The following SLC4A10 variants were observed in gnomAD, a reference collection of about 807,000 sequenced individuals.
SLC4A10 encodes solute carrier family 4 member 10, also known as sodium-driven chloride bicarbonate exchanger.
A neutral mutation model predicts 137.7 loss-of-function variants in SLC4A10; 42 were observed. The ratio of observed to expected loss-of-function variants is 0.30; its 90% CI spans 0.24 to 0.39. SLC4A10 has a LOEUF of 0.39. SLC4A10 is among the 10% of genes least tolerant of loss of function. The pLI is 1.00. For synonymous variants in SLC4A10, 474 were observed against 464.1 expected, an observed-to-expected ratio of 1.02 and a Z score of -0.27; for missense variants, 925 against 1,355.0, an observed-to-expected ratio of 0.68 and a Z score of 4.98.
chr2:161,762,309 G>A (rs2050334411), intron 1 of SLC4A10, among the ~76,000 whole-genome samples: 1 of 151,888 alleles, frequency 6.6e-6, no homozygotes, highest in African/African-American at 2.4e-5. Context: ...AAATTTTATG[G>A]CACTATAATA....
intron 1 of SLC4A10, among the ~76,000 whole-genome samples, chr2:161,629,136 C>T (rs779518279): frequency 3.4e-4 from 51 of 151,952 alleles, no homozygotes; most frequent in Non-Finnish European, 4.0e-4. Context: ...TTCAACTCTT[C>T]CTTTCCCATA....
chr2:161,906,287 G>A (rs75843778), intron 15 of SLC4A10, among the ~76,000 whole-genome samples: 2,194 of 152,268 alleles, frequency 0.014, 18 homozygotes, highest in Non-Finnish European at 0.024. Flanking sequence ...CAAATTTAGA[G>A]CAATAAGGTA....
chr2:161,780,106 A>G (rs2052838345), intron 2 of SLC4A10, among the ~76,000 whole-genome samples: 1 of 152,038 alleles, frequency 6.6e-6, no homozygotes, highest in Admixed American at 6.6e-5. Flanking sequence ...CCATCATGTC[A>G]GAACAAGAAA....
At chr2:161,674,122 A>G (rs1333957008) in intron 1 of SLC4A10, among the ~76,000 whole-genome samples, 1 of 152,242 alleles carries the variant, frequency 6.6e-6, no homozygotes, top group African/African-American at 2.4e-5. Flanking sequence ...AGAATCATTA[A>G]TTGGATACGT....
At chr2:161,724,281 C>T (rs1287441495) in intron 1 of SLC4A10, among the ~76,000 whole-genome samples, 1 of 152,156 alleles carries the variant, frequency 6.6e-6, no homozygotes, top group Non-Finnish European at 1.5e-5. Context: ...TACTTAAACT[C>T]ATTGAAAGGC....
chr2:161,947,820 G>T (rs1694094944), intron 17 of SLC4A10, 93 bp downstream of exon 17: 2 of 1,349,182 alleles, frequency 1.5e-6, no homozygotes, highest in East Asian at 2.4e-5. Flanking sequence ...AAAGGCTTTT[G>T]TGTGAGTGAG....
intron 15 of SLC4A10, among the ~76,000 whole-genome samples, chr2:161,922,516 C>T (rs1218898654): frequency 6.6e-6 from 1 of 151,956 alleles, no homozygotes; most frequent in East Asian, 1.9e-4. Context: ...TATGTTGTAT[C>T]CCTTACAAAT....
At chr2:161,953,706 G>A (rs929302970) in intron 19 of SLC4A10, among the ~76,000 whole-genome samples, 2 of 152,184 alleles carry the variant, frequency 1.3e-5, no homozygotes, top group South Asian at 2.1e-4. Context: ...GAAGAATGGG[G>A]GAGCTCAAAA....
chr2:161,878,378 A>G (rs941227453), intron 8 of SLC4A10, among the ~76,000 whole-genome samples: 4 of 152,096 alleles, frequency 2.6e-5, no homozygotes, highest in Non-Finnish European at 5.9e-5. Flanking sequence ...ATTGATATTT[A>G]TTGTTAAGGA....
intron 1 of SLC4A10, among the ~76,000 whole-genome samples, chr2:161,698,590 T>C (rs2042790877): frequency 6.6e-6 from 1 of 152,212 alleles, no homozygotes; most frequent in African/African-American, 2.4e-5. Context: ...GTTGGTTCTG[T>C]TTATATGCTG....
At chr2:161,752,769 C>T (rs1314382539) in intron 1 of SLC4A10, among the ~76,000 whole-genome samples, 1 of 152,034 alleles carries the variant, frequency 6.6e-6, no homozygotes, top group East Asian at 1.9e-4. Flanking sequence ...AAAAGTTGAA[C>T]TCATTTAAGC....
intron 6 of SLC4A10, among the ~76,000 whole-genome samples, chr2:161,871,111 T>G (rs972768424): frequency 6.6e-6 from 1 of 151,874 alleles, no homozygotes; most frequent in Non-Finnish European, 1.5e-5. Flanking sequence ...TAACAAAGAA[T>G]AAGTGGGTTT....
chr2:161,971,233 A>C (rs950028603), intron 23 of SLC4A10, among the ~76,000 whole-genome samples: 1 of 152,178 alleles, frequency 6.6e-6, no homozygotes, highest in African/African-American at 2.4e-5. Context: ...AGTGTTCTGG[A>C]GTAGATTTGT....
At chr2:161,801,500 A>G (rs2055361423) in intron 2 of SLC4A10, among the ~76,000 whole-genome samples, 1 of 152,106 alleles carries the variant, frequency 6.6e-6, no homozygotes, top group African/African-American at 2.4e-5. Flanking sequence ...GGTAGTACTA[A>G]TTTTGACAGG....
intron 8 of SLC4A10, among the ~76,000 whole-genome samples, chr2:161,877,750 T>G (rs2061523820): frequency 6.6e-6 from 1 of 151,998 alleles, no homozygotes; most frequent in African/African-American, 2.4e-5. Flanking sequence ...GCTTAAAAAT[T>G]TTGGATGTAT....
chr2:161,802,443 AG>A (rs1438107308), intron 2 of SLC4A10, among the ~76,000 whole-genome samples: 1 of 152,122 alleles, frequency 6.6e-6, no homozygotes, highest in East Asian at 1.9e-4. Flanking sequence ...CCACTAAAGT[AG>A]GCAAATTTAT....
At position 161,634,090 on chromosome 2, in the gene SLC4A10, A is replaced by G. The variant is rs114442597; in HGVS notation, c.48+9524A>G. ...TAATGTCCATTTTCTGTTCTAGGAT[A>G]CAATTCAGAGTACCATATTGTGTTT... On this transcript the variant is annotated intron_variant, in intron 1 of 26. Transcript: ENST00000446997. Among the ~76,000 whole-genome samples, 1,003 of 151,966 alleles carry G rather than the reference A, an allele frequency of 6.6e-3. 11 individuals are homozygous for G. The highest frequency in any genetic ancestry group is 0.023 in the African/African-American group (942 of 41,538).
At chr2:161,906,730 T>G (rs1235309885) in intron 15 of SLC4A10, among the ~76,000 whole-genome samples, 1 of 152,226 alleles carries the variant, frequency 6.6e-6, no homozygotes, top group Non-Finnish European at 1.5e-5. Flanking sequence ...TTTTTAATCT[T>G]TATTTACTAT....
chr2:161,796,215 A>G (rs551154977), intron 2 of SLC4A10, among the ~76,000 whole-genome samples: 2 of 152,272 alleles, frequency 1.3e-5, no homozygotes, highest in Admixed American at 1.3e-4. Context: ...GCTGTGTCAC[A>G]ATCCATTTCC....
Sources: allele counts gnomAD v4.1 joint callset (sites outside exome capture counted in the v4.1 genomes callset), GRCh38; gene constraint gnomAD v4.1.1; transcripts MANE v1.5; gene names NCBI Gene and HGNC (gene_info 2026-07-23, HGNC 2026-07-21).